Variants in STPG2 observed in about 807,000 individuals in gnomAD.
STPG2 encodes the protein sperm tail PG-rich repeat containing 2, also known as sperm-tail PG-rich repeat-containing protein 2.
In STPG2, 56 loss-of-function variants were observed where a neutral mutation model predicts 54.2. The ratio of observed to expected loss-of-function variants is 1.03; its 90% CI spans 0.83 to 1.29. STPG2 has a LOEUF of 1.29. Among genes scored for constraint, STPG2 ranks in the 50% most tolerant of loss-of-function variants. The pLI is 0.00. For missense variants in STPG2, 596 were observed against 544.9 expected, an observed-to-expected ratio of 1.09 and a Z score of -0.93; for synonymous variants, 200 against 181.8, an observed-to-expected ratio of 1.10 and a Z score of -0.81.
intron 5 of STPG2, among the ~76,000 whole-genome samples, chr4:98,024,197 T>C (rs1267443378): frequency 2.0e-5 from 3 of 152,198 alleles, no homozygotes; most frequent in Non-Finnish European, 1.5e-5. Flanking sequence ...CTTTCCTTTA[T>C]AAATTACCTA....
chr4:97,951,514 C>T (rs1004844695), intron 7 of STPG2, among the ~76,000 whole-genome samples: 1 of 151,856 alleles, frequency 6.6e-6, no homozygotes, highest in East Asian at 1.9e-4. Context: ...CTTTTTCCCC[C>T]CTTAAGACTG....
intron 5 of STPG2, among the ~76,000 whole-genome samples, chr4:98,045,472 T>C (rs1737096072): frequency 1.3e-5 from 2 of 152,156 alleles, no homozygotes; most frequent in Non-Finnish European, 2.9e-5. Flanking sequence ...GAAAATAGAA[T>C]AAACTTAACA....
chr4:97,617,135 T>TGA (rs1733894736), intron 10 of STPG2, among the ~76,000 whole-genome samples: 1 of 151,564 alleles, frequency 6.6e-6, no homozygotes, highest in Non-Finnish European at 1.5e-5. Context: ...TTAAAGTGTG[T>TGA]GTGTGTGTGT....
intron 10 of STPG2, among the ~76,000 whole-genome samples, chr4:97,613,796 T>A (rs1733792031): frequency 6.6e-6 from 1 of 152,078 alleles, no homozygotes; most frequent in African/African-American, 2.4e-5. Flanking sequence ...TTCTATCCTT[T>A]TGAGGTTTTT....
chr4:97,993,812 A>G (rs1464488664), intron 5 of STPG2, among the ~76,000 whole-genome samples: 1 of 152,020 alleles, frequency 6.6e-6, no homozygotes, highest in Non-Finnish European at 1.5e-5. Context: ...GTTTAATCTA[A>G]AAGGGTTGCC....
chr4:98,104,755 GTAAT>G (rs1739141601), intron 5 of STPG2, among the ~76,000 whole-genome samples: 1 of 152,158 alleles, frequency 6.6e-6, no homozygotes, highest in Admixed American at 6.5e-5. Flanking sequence ...GAGCATATAT[GTAAT>G]TAGAGGTAAA....
At chr4:97,797,015 T>G (rs1727209615) in intron 9 of STPG2, among the ~76,000 whole-genome samples, 1 of 152,206 alleles carries the variant, frequency 6.6e-6, no homozygotes, top group African/African-American at 2.4e-5. Flanking sequence ...TAAGAATGCT[T>G]GTGATTTTTG....
At chr4:97,849,577 A>T (rs1486545717) in intron 8 of STPG2, among the ~76,000 whole-genome samples, 2 of 152,218 alleles carry the variant, frequency 1.3e-5, no homozygotes, top group Non-Finnish European at 2.9e-5. Flanking sequence ...TTCACAAGAA[A>T]AAAACAAACA....
intron 3 of STPG2, among the ~76,000 whole-genome samples, chr4:98,123,981 G>A (rs868866550): frequency 3.3e-4 from 50 of 152,042 alleles, no homozygotes; most frequent in Middle Eastern, 3.4e-3. Context: ...AGTCTGTTTT[G>A]TCAGAAACTA....
At chr4:97,901,609 T>C (rs1042912761) in intron 8 of STPG2, among the ~76,000 whole-genome samples, 14 of 151,846 alleles carry the variant, frequency 9.2e-5, no homozygotes, top group East Asian at 3.9e-4. Flanking sequence ...TAGGAATAAA[T>C]TTAACCAAGA....
Position 97,495,139 on chromosome 4 carries a change from G to T in STPG2, c.462+217560C>A, listed in dbSNP as rs539540376. ...ATAATAAACATTTTAAAAGGCAAATGAATTGTGACAGAACATATAGTTCTT... is the reference window on the plus strand; with the variant it reads ...ATAATAAACATTTTAAAAGGCAAATTAATTGTGACAGAACATATAGTTCTT... On this transcript the variant is annotated intron_variant, in intron 4 of 4. Coordinates refer to the STPG2 transcript ENST00000522676. Among the ~76,000 whole-genome samples the T allele has an allele frequency of 2.6e-5, 4 of 151,438 alleles. No homozygotes were observed. In the South Asian group the frequency reaches 6.2e-4, roughly 24 times the overall value.
chr4:97,542,341 T>G (rs537680257), intron 4 of STPG2, among the ~76,000 whole-genome samples: 1 of 152,270 alleles, frequency 6.6e-6, no homozygotes, highest in Non-Finnish European at 1.5e-5. Context: ...AAGAAGACAT[T>G]TATGCAGCCA....
At chr4:97,888,834 T>C (rs1730671313) in intron 8 of STPG2, among the ~76,000 whole-genome samples, 1 of 152,172 alleles carries the variant, frequency 6.6e-6, no homozygotes, top group South Asian at 2.1e-4. Context: ...AGGTGGGGCC[T>C]GGTAGGAGGT....
Position 97,720,583 on chromosome 4 carries a change from G to A in STPG2, c.1205-7769C>T, listed in dbSNP as rs537999341. Among the ~76,000 whole-genome samples, 230 of 151,966 alleles carry A rather than the reference G, an allele frequency of 1.5e-3. 2 individuals are homozygous for A. The highest frequency in any genetic ancestry group is 7.5e-3 in the South Asian group (36 of 4,826). ...ACCACAGCATGACAATTCTCTAAAA[G>A]GTGAACTGGGTCTAGGAGATGGAAT... On this transcript the variant is annotated intron_variant, in intron 9 of 10. Coordinates refer to ENST00000295268, the MANE Select transcript of STPG2 (RefSeq NM_174952.3).
Position 97,723,563 on chromosome 4 carries a change from A to G in STPG2, c.1205-10749T>C, listed in dbSNP as rs1724522220. On this transcript the variant is annotated intron_variant, in intron 9 of 10. Transcript: ENST00000295268. ...TTCCATTTAGGTCTTTAATCCATAT[A>G]GATTCCATTTTTGTGCATGGTATTT... Among the ~76,000 whole-genome samples, 2 of 152,200 alleles carry G rather than the reference A, an allele frequency of 1.3e-5. 1 individual carries two copies. The highest frequency in any genetic ancestry group is 4.1e-4 in the South Asian group (2 of 4,834).
At chr4:97,521,676 T>C (rs1007451375) in intron 4 of STPG2, among the ~76,000 whole-genome samples, 1 of 152,062 alleles carries the variant, frequency 6.6e-6, no homozygotes, top group African/African-American at 2.4e-5. Context: ...AATACACCTA[T>C]GAAGTAATTT....
intron 5 of STPG2, among the ~76,000 whole-genome samples, chr4:98,009,118 GTC>G (rs1394701951): frequency 2.0e-5 from 3 of 151,336 alleles, no homozygotes; most frequent in Non-Finnish European, 4.4e-5. Context: ...TAATTTTCTA[GTC>G]TCTATTTCAG....
intron 3 of STPG2, 50 bp from the exon 4 acceptor site, chr4:98,109,355 A>C: frequency 7.3e-7 from 1 of 1,375,648 alleles, no homozygotes; most frequent in Middle Eastern, 2.6e-4. Flanking sequence ...AGTTTAAATA[A>C]GTCATGAAAC....
At chr4:98,142,215 A>G (rs1025003981) in intron 1 of STPG2, among the ~76,000 whole-genome samples, 2 of 152,190 alleles carry the variant, frequency 1.3e-5, no homozygotes, top group Non-Finnish European at 2.9e-5. Flanking sequence ...ACTCCACCCC[A>G]AGAAACCTAA....
Sources: allele counts gnomAD v4.1 joint callset (sites outside exome capture counted in the v4.1 genomes callset), GRCh38; gene constraint gnomAD v4.1.1; transcripts MANE v1.5; gene names NCBI Gene and HGNC (gene_info 2026-07-23, HGNC 2026-07-21).